LIN54: variants seen among roughly 807,000 people sequenced by gnomAD.
LIN54 encodes the protein lin-54 DREAM MuvB core complex component, also known as protein lin-54 homolog.
LIN54 carries 9 observed loss-of-function variants against 78.7 expected under a neutral mutation model. That is an observed-to-expected ratio of 0.11 (90% CI 0.07 to 0.20). LIN54 has a LOEUF of 0.20. Among genes scored for constraint, LIN54 ranks in the 10% least tolerant of loss-of-function variants. The pLI is 1.00. For synonymous variants in LIN54, 269 were observed against 318.4 expected, an observed-to-expected ratio of 0.84 and a Z score of 1.65; for missense variants, 573 against 889.9, an observed-to-expected ratio of 0.64 and a Z score of 4.53.
chr4:82,949,770 T>C (rs1019988017), intron 4 of LIN54, among the ~76,000 whole-genome samples: 1 of 152,120 alleles, frequency 6.6e-6, no homozygotes, highest in Non-Finnish European at 1.5e-5. Flanking sequence ...CCTCAATCCA[T>C]AGGCTGCCTT....
Position 82,939,934 on chromosome 4 carries a change from T to C in LIN54, c.1197A>G (p.Pro399=), listed in dbSNP as rs1722716398. 2 of 1,609,386 alleles carry C rather than the reference T, an allele frequency of 1.2e-6. No individual in the cohort carries two copies. The highest frequency in any genetic ancestry group is 1.7e-6 in the Non-Finnish European group (2 of 1,178,750). ...QAKPVVVNTT[P]VRMSVPIVSA... ...AGACAATTGGAACTGACATCCGCAC[T>C]GGGGTTGTATTAACAACCACTGGCT... is the stretch of plus-strand genomic sequence containing the variant. The change falls in exon 6 of 13, where the codon CCA becomes CCG. Residue 399 remains proline, a synonymous_variant. Coordinates refer to ENST00000340417, the MANE Select transcript of LIN54 (RefSeq NM_194282.4).
chr4:83,010,796 G>GGCCGCC lies in LIN54; in HGVS notation c.-351_-346dup, dbSNP rs943421255. 1.8e-5 allele frequency: 22 copies of GGCCGCC among 1,233,998 alleles called. No homozygotes were observed. The East Asian group carries it at 2.2e-4, about 12-fold the overall frequency. 76.4% of individuals were successfully genotyped at this position (1,233,998 alleles called of 1,614,324 possible). The stretch of plus-strand genomic sequence containing the variant: ...CAGCTTCCCCGACAGCCGGAGCCCG[G>GGCCGCC]GCCGCCGCCGCCGCCGCCACCACCA... On this transcript the variant is annotated 5_prime_UTR_variant, in exon 1 of 13. Transcript: ENST00000340417.
intron 3 of LIN54, among the ~76,000 whole-genome samples, chr4:82,972,854 G>A (rs541159149): frequency 1.3e-3 from 194 of 150,436 alleles, no homozygotes; most frequent in African/African-American, 4.6e-3. Context: ...GGTAGCGTGC[G>A]TCTATAATCC....
At chr4:82,954,993 T>G (rs190688863) in intron 4 of LIN54, among the ~76,000 whole-genome samples, 1 of 152,334 alleles carries the variant, frequency 6.6e-6, no homozygotes, top group East Asian at 1.9e-4. Flanking sequence ...ACTGGTAAGT[T>G]AAACTTCATT....
intron 1 of LIN54, among the ~76,000 whole-genome samples, chr4:83,003,117 G>A (rs936913710): frequency 1.3e-5 from 2 of 152,122 alleles, no homozygotes; most frequent in Non-Finnish European, 2.9e-5. Context: ...AAGTTCAAGT[G>A]ATTCTCCCGC....
At chr4:83,010,845 C>CCCCAG, upstream of LIN54, 1 of 1,201,460 alleles carries the variant, frequency 8.3e-7, no homozygotes, top group Non-Finnish European at 1.0e-6. Context: ...TCCTCCTCCT[C>CCCCAG]CCCTCCCCGC....
chr4:83,001,136 A>G (rs1023086037), intron 1 of LIN54, among the ~76,000 whole-genome samples: 15 of 152,288 alleles, frequency 9.8e-5, no homozygotes, highest in African/African-American at 3.6e-4. Flanking sequence ...ATAAATTCTT[A>G]CAGAGAAAAC....
intron 1 of LIN54, among the ~76,000 whole-genome samples, chr4:82,993,148 T>G (rs1266590332): frequency 6.6e-6 from 1 of 151,738 alleles, no homozygotes; most frequent in Non-Finnish European, 1.5e-5. Flanking sequence ...GCCTGGCCCA[T>G]TTTTTATTTA....
intron 1 of LIN54, among the ~76,000 whole-genome samples, chr4:82,999,484 G>A (rs1728547647): frequency 6.6e-6 from 1 of 151,994 alleles, no homozygotes; most frequent in South Asian, 2.1e-4. Context: ...CCTTTGGCCA[G>A]GTGTGGCCAA....
intron 4 of LIN54, among the ~76,000 whole-genome samples, chr4:82,953,286 G>A (rs1404524723): frequency 6.6e-6 from 1 of 152,170 alleles, no homozygotes; most frequent in Admixed American, 6.5e-5. Context: ...CAGCATGCAA[G>A]ACTGGAACGG....
intron 1 of LIN54, among the ~76,000 whole-genome samples, chr4:83,006,814 T>A (rs1729422076): frequency 6.6e-6 from 1 of 152,172 alleles, no homozygotes; most frequent in South Asian, 2.1e-4. Context: ...AATTTCACAA[T>A]GTATTTCAAA....
chr4:82,987,766 T>C (rs1168926440), intron 1 of LIN54, among the ~76,000 whole-genome samples: 2 of 152,238 alleles, frequency 1.3e-5, no homozygotes, highest in African/African-American at 4.8e-5. Flanking sequence ...AAATTTTATT[T>C]ATCCAGTCTA....
At chr4:82,934,980 C>T (rs942307064) in intron 11 of LIN54, among the ~76,000 whole-genome samples, 2 of 152,116 alleles carry the variant, frequency 1.3e-5, no homozygotes, top group African/African-American at 4.8e-5. Flanking sequence ...AGAGTTTCAA[C>T]TACATCTTCC....
intron 1 of LIN54, among the ~76,000 whole-genome samples, chr4:83,002,451 GGGAAGGA>G (rs1030713182): frequency 1.4e-5 from 2 of 147,726 alleles, no homozygotes; most frequent in African/African-American, 2.5e-5. Context: ...GAGGAGGGGA[GGGAAGGA>G]GGAAGGAGGG....
intron 1 of LIN54, among the ~76,000 whole-genome samples, chr4:83,000,459 G>C (rs1340817802): frequency 1.3e-5 from 2 of 152,202 alleles, no homozygotes; most frequent in African/African-American, 2.4e-5. Context: ...TGGACAATGA[G>C]AACTCTTTTT....
chr4:82,976,806 C>T (rs185020703), intron 3 of LIN54, among the ~76,000 whole-genome samples: 1 of 152,268 alleles, frequency 6.6e-6, no homozygotes, highest in Non-Finnish European at 1.5e-5. Context: ...AACAGAAAGG[C>T]ACTTTGGTGG....
rs1161147341 is a variant in LIN54 at position 83,010,525 on chromosome 4, A to AG, written c.-75dup. 7.0e-6 allele frequency: 8 copies of AG among 1,137,688 alleles called. No individual in the cohort carries two copies. In the African/African-American group the frequency reaches 1.2e-4, roughly 16 times the overall value. The allele number at this position is 1,137,688 out of a possible 1,614,324, so 70.5% of individuals were successfully genotyped here. A position where few individuals can be genotyped will look rare whatever the true frequency, so the allele number is the denominator to read the frequency against. ...TTTCTCCTCCCTCGGGCTCCGAGGT[A>AG]GGGGCTCCAGAAGGTCCTGGGCAAT... On this transcript the variant is annotated 5_prime_UTR_variant, in exon 1 of 13. Transcript: ENST00000340417.
Position 82,936,114 on chromosome 4 carries a change from C to T in LIN54, c.1712G>A (p.Cys571Tyr). ...AAAGGCTTCTGGATTTCTGTCAAGG[C>T]ATGCCTAGCAAAACAGATCAAATAT... ...ENERQKAIKA[C>Y]LDRNPEAFKP... Residue 571 changes from cysteine to tyrosine, a missense_variant, in exon 11 of 13, where the codon TGC becomes TAC. Cys to Tyr is a radical substitution (Grantham distance 194). This residue lies in a region of LIN54 where 101 missense variants were observed against 194.2 expected (regional missense o/e 0.52). Transcript: ENST00000340417. The T allele has an allele frequency of 6.2e-7, 1 of 1,614,030 alleles. No homozygotes were observed. Among genetic ancestry groups the T allele is most frequent in the Non-Finnish European group, 8.5e-7 (1 of 1,179,946 alleles).
At chr4:82,976,506 G>A (rs532731911) in intron 3 of LIN54, among the ~76,000 whole-genome samples, 72 of 152,180 alleles carry the variant, frequency 4.7e-4, no homozygotes, top group African/African-American at 1.3e-3. Flanking sequence ...TCAGGAGTTC[G>A]AGACCAGCCT....
Sources: gnomAD v4.1 joint callset for allele counts (sites outside exome capture counted in the v4.1 genomes callset) on GRCh38, gnomAD v4.1.1 for gene constraint, gnomAD v4.1.1 regional missense constraint, MANE v1.5 for transcripts, NCBI Gene and HGNC (gene_info 2026-07-23, HGNC 2026-07-21) for gene names.